CAMK1D: variants seen among roughly 807,000 people sequenced by gnomAD.
CAMK1D encodes the protein calcium/calmodulin-dependent protein kinase type 1D.
In CAMK1D, 9 loss-of-function variants were observed where a neutral mutation model predicts 47.7. The ratio of observed to expected loss-of-function variants is 0.19; its 90% CI spans 0.11 to 0.33. The LOEUF (loss-of-function observed/expected upper bound fraction) is 0.33, where lower values mean the gene tolerates loss of function less well. CAMK1D is among the 10% of genes least tolerant of loss of function. The pLI is 1.00. For synonymous variants in CAMK1D, 184 were observed against 184.9 expected, an observed-to-expected ratio of 0.99 and a Z score of 0.04; for missense variants, 291 against 488.7, an observed-to-expected ratio of 0.60 and a Z score of 3.81.
intron 1 of CAMK1D, among the ~76,000 whole-genome samples, chr10:12,499,331 T>C (rs1214886913): frequency 6.6e-6 from 1 of 152,068 alleles, no homozygotes; most frequent in African/African-American, 2.4e-5. Flanking sequence ...AGATCCCTCT[T>C]TTCTCATTCT....
At chr10:12,748,228 G>A (rs1835773788) in intron 3 of CAMK1D, among the ~76,000 whole-genome samples, 1 of 152,216 alleles carries the variant, frequency 6.6e-6, no homozygotes, top group South Asian at 2.1e-4. Flanking sequence ...CATGCTTAGT[G>A]TCTTTCAGAA....
At chr10:12,642,776 T>C (rs1458664364) in intron 2 of CAMK1D, among the ~76,000 whole-genome samples, 3 of 152,216 alleles carry the variant, frequency 2.0e-5, no homozygotes, top group African/African-American at 7.2e-5. Context: ...GTCTTGACAG[T>C]GTAGAAGAAT....
At chr10:12,633,062 G>A (rs10906189) in intron 2 of CAMK1D, among the ~76,000 whole-genome samples, 83,192 of 152,010 alleles carry the variant, frequency 0.55, 22,826 homozygotes, top group South Asian at 0.59. Flanking sequence ...GTGTCCCCGT[G>A]AGGCCCCAGC....
chr10:12,430,741 A>G (rs1445038897), intron 1 of CAMK1D, among the ~76,000 whole-genome samples: 1 of 152,016 alleles, frequency 6.6e-6, no homozygotes, highest in Non-Finnish European at 1.5e-5. Flanking sequence ...ACATGTGATG[A>G]TGATGATGAT....
At position 12,464,665 on chromosome 10, in the gene CAMK1D, A is replaced by C. The variant is rs183234741; in HGVS notation, c.93-88560A>C. 1.4e-3 allele frequency among the ~76,000 whole-genome samples: 207 copies of C among 152,244 alleles called. 4 individuals carry two copies. Among genetic ancestry groups the C allele is most frequent in the Admixed American group, 0.011 (174 of 15,288 alleles). On this transcript the variant is annotated intron_variant, in intron 1 of 10. Transcript: ENST00000619168. ...CCCATCTGTACTAAAAATACAAAAAATTAGCCGGGTGTGGTGGCGGGTACC... is the reference window on the plus strand; with the variant it reads ...CCCATCTGTACTAAAAATACAAAAACTTAGCCGGGTGTGGTGGCGGGTACC...
intron 1 of CAMK1D, among the ~76,000 whole-genome samples, chr10:12,482,736 A>G (rs1313656050): frequency 2.0e-5 from 3 of 152,156 alleles, no homozygotes; most frequent in African/African-American, 7.2e-5. Flanking sequence ...ATGTAATTGC[A>G]TTTAGTGGTA....
intron 1 of CAMK1D, among the ~76,000 whole-genome samples, chr10:12,409,384 A>G (rs1839573664): frequency 6.6e-6 from 1 of 152,196 alleles, no homozygotes; most frequent in Admixed American, 6.5e-5. Context: ...GATAGAGGAT[A>G]GAGGGGAAGC....
At chr10:12,349,954 G>A in intron 1 of CAMK1D, 44 bp downstream of exon 1, 1 of 1,185,114 alleles carries the variant, frequency 8.4e-7, no homozygotes, top group Non-Finnish European at 1.2e-6. Context: ...GGCCGCGGCA[G>A]GGGCTGCACG....
chr10:12,662,524 C>T (rs905629202), intron 2 of CAMK1D, among the ~76,000 whole-genome samples: 5 of 152,028 alleles, frequency 3.3e-5, no homozygotes, highest in Non-Finnish European at 7.4e-5. Flanking sequence ...TGGTGGCGGG[C>T]GCCTGTGGTC....
At chr10:12,371,994 A>G (rs1013571783) in intron 1 of CAMK1D, among the ~76,000 whole-genome samples, 2 of 152,068 alleles carry the variant, frequency 1.3e-5, no homozygotes, top group Non-Finnish European at 2.9e-5. Context: ...TTGTATTTTC[A>G]CTGCACCTTT....
At chr10:12,752,347 A>G (rs557721513) in intron 3 of CAMK1D, among the ~76,000 whole-genome samples, 3 of 152,324 alleles carry the variant, frequency 2.0e-5, no homozygotes, top group Non-Finnish European at 2.9e-5. Flanking sequence ...GAGTTTTAGT[A>G]GAGATCCCAT....
intron 2 of CAMK1D, among the ~76,000 whole-genome samples, chr10:12,582,327 T>G (rs1237868442): frequency 2.6e-5 from 4 of 152,202 alleles, no homozygotes; most frequent in Non-Finnish European, 5.9e-5. Flanking sequence ...AAATGATGCC[T>G]CCAGATTTAT....
intron 1 of CAMK1D, among the ~76,000 whole-genome samples, chr10:12,426,060 C>T (rs181164650): frequency 2.0e-5 from 3 of 152,104 alleles, no homozygotes; most frequent in Admixed American, 6.6e-5. Context: ...TTACAGTTTC[C>T]TCTTTAGTGC....
intron 2 of CAMK1D, among the ~76,000 whole-genome samples, chr10:12,570,404 C>T (rs755040409): frequency 3.1e-4 from 47 of 151,678 alleles, no homozygotes; most frequent in African/African-American, 9.7e-4. Flanking sequence ...AGGGGCTGGG[C>T]GCAGTGGCTC....
At chr10:12,512,708 G>A (rs936856478) in intron 1 of CAMK1D, among the ~76,000 whole-genome samples, 1 of 152,132 alleles carries the variant, frequency 6.6e-6, no homozygotes, top group African/African-American at 2.4e-5. Context: ...ACAGTGGATG[G>A]TCAATCTTTG....
intron 3 of CAMK1D, among the ~76,000 whole-genome samples, chr10:12,753,248 A>G (rs1180337231): frequency 1.3e-5 from 2 of 152,204 alleles, no homozygotes; most frequent in Non-Finnish European, 2.9e-5. Flanking sequence ...ACTGGAGGTA[A>G]TTGTGGAAAG....
chr10:12,595,077 C>T (rs761309167), intron 2 of CAMK1D, among the ~76,000 whole-genome samples: 1 of 152,030 alleles, frequency 6.6e-6, no homozygotes, highest in Admixed American at 6.6e-5. Context: ...TGTGGTGCCT[C>T]ATGCCTGTAA....
intron 6 of CAMK1D, among the ~76,000 whole-genome samples, chr10:12,797,329 C>A (rs1836167312): frequency 6.6e-6 from 1 of 151,912 alleles, no homozygotes; most frequent in Non-Finnish European, 1.5e-5. Flanking sequence ...TTCCAAGTAG[C>A]TGGGACCATA....
intron 1 of CAMK1D, among the ~76,000 whole-genome samples, chr10:12,473,112 G>A (rs1312475863): frequency 6.6e-6 from 1 of 152,160 alleles, no homozygotes; most frequent in African/African-American, 2.4e-5. Context: ...GGGAGAGGGT[G>A]CGCCAGGTGG....
Sources: allele counts gnomAD v4.1 joint callset (sites outside exome capture counted in the v4.1 genomes callset), GRCh38; gene constraint gnomAD v4.1.1; transcripts MANE v1.5; gene names NCBI Gene and HGNC (gene_info 2026-07-23, HGNC 2026-07-21).